Variants in NAV3 observed in about 807,000 individuals in gnomAD.
NAV3 encodes the protein neuron navigator 3.
A neutral mutation model predicts 244.7 loss-of-function variants in NAV3; 87 were observed. The ratio of observed to expected loss-of-function variants is 0.36; its 90% confidence interval spans 0.30 to 0.42. NAV3 has a LOEUF of 0.42. NAV3 is among the 20% of genes least tolerant of loss of function. The probability of loss-of-function intolerance (pLI) is 1.00; values close to 1 mark genes in which losing one functional copy is unlikely to be tolerated. For synonymous variants in NAV3, 1,126 were observed against 1,042.2 expected, an observed-to-expected ratio of 1.08 and a Z score of -1.55; for missense variants, 2,663 against 2,893.3, an observed-to-expected ratio of 0.92 and a Z score of 1.83.
rs373016076 is a variant in NAV3 at position 77,839,717 on chromosome 12, G to A, written c.243+8013G>A. The stretch of plus-strand genomic sequence containing the variant: ...TAAAAGTGCATAAAATTAATAATTG[G>A]TAGTGGAATAGAGGAAGCAGTGATT... On this transcript the variant is annotated intron_variant, in intron 1 of 39. Transcript: ENST00000397909. Among the ~76,000 whole-genome samples, 68 of 152,198 alleles carry A rather than the reference G, an allele frequency of 4.5e-4. No homozygotes were observed. The East Asian group carries it at 0.012, about 26-fold the overall frequency.
intron 24 of NAV3, among the ~76,000 whole-genome samples, chr12:78,172,782 G>C (rs928583718): frequency 9.2e-5 from 14 of 151,572 alleles, no homozygotes; most frequent in African/African-American, 3.4e-4. Context: ...CGGTTGATGA[G>C]TTAAGAACTG....
At chr12:77,646,213 C>T (rs1158734839) in intron 2 of NAV3, among the ~76,000 whole-genome samples, 1 of 152,030 alleles carries the variant, frequency 6.6e-6, no homozygotes, top group Non-Finnish European at 1.5e-5. Flanking sequence ...CTGTTTGAAA[C>T]TAACAAGAAT....
intron 17 of NAV3, 69 bp downstream of exon 17, chr12:78,127,277 C>G (rs1955952153): frequency 6.8e-7 from 1 of 1,464,054 alleles, no homozygotes; most frequent in Non-Finnish European, 9.5e-7. Context: ...TGTCTCTCTT[C>G]CTTCTTTGTT....
chr12:78,051,084 G>A lies in NAV3; in HGVS notation c.2453G>A (p.Gly818Asp), dbSNP rs763790853. Residue 818 changes from glycine to aspartate, a missense_variant, in exon 11 of 40, where the codon GGT becomes GAT. This residue lies in a region of NAV3 where 1,521 missense variants were observed against 1,497.0 expected (regional missense o/e 1.02). Coordinates refer to ENST00000397909, the MANE Select transcript of NAV3 (RefSeq NM_001024383.2). ...GACATGTCTTCTGAGGTCGATGTGG[G>A]TGGATATATGAGTGATGGTGATATC... is the stretch of plus-strand genomic sequence containing the variant. ...DLDMSSEVDV[G>D]GYMSDGDILG... 14 of 1,614,024 alleles carry A rather than the reference G, an allele frequency of 8.7e-6. No individual in the cohort carries two copies. Among genetic ancestry groups the A allele is most frequent in the Non-Finnish European group, 1.2e-5 (14 of 1,180,044 alleles).
At chr12:77,643,689 A>T (rs997157931) in intron 2 of NAV3, among the ~76,000 whole-genome samples, 1 of 151,894 alleles carries the variant, frequency 6.6e-6, no homozygotes, top group African/African-American at 2.4e-5. Flanking sequence ...ACATTTACTT[A>T]ATTTATTCAT....
At chr12:77,823,227 T>G (rs546354419) in intron 2 of NAV3, among the ~76,000 whole-genome samples, 21 of 152,114 alleles carry the variant, frequency 1.4e-4, no homozygotes, top group Admixed American at 1.0e-3. Flanking sequence ...GCTAAAATTT[T>G]GGAGCCAAAG....
intron 2 of NAV3, among the ~76,000 whole-genome samples, chr12:77,779,971 C>T (rs554014302): frequency 5.3e-5 from 8 of 152,242 alleles, no homozygotes; most frequent in Admixed American, 1.3e-4. Context: ...ACGACATGCC[C>T]GCTTGCTTCT....
chr12:77,905,050 A>G (rs1293914271), intron 1 of NAV3, among the ~76,000 whole-genome samples: 2 of 152,156 alleles, frequency 1.3e-5, no homozygotes, highest in African/African-American at 4.8e-5. Context: ...AGAAGTCAGT[A>G]TATTCTCCCC....
chr12:77,711,473 G>A (rs868268850), intron 2 of NAV3, among the ~76,000 whole-genome samples: 1 of 152,188 alleles, frequency 6.6e-6, no homozygotes, highest in African/African-American at 2.4e-5. Flanking sequence ...TCTCTTTATT[G>A]CTGAAAATGG....
intron 2 of NAV3, among the ~76,000 whole-genome samples, chr12:77,616,871 TTTATA>T (rs1871162461): frequency 6.6e-6 from 1 of 152,200 alleles, no homozygotes; most frequent in Middle Eastern, 3.2e-3. Context: ...CTACATTTCT[TTTATA>T]TTTTATAATC....
intron 2 of NAV3, among the ~76,000 whole-genome samples, chr12:77,578,311 A>G (rs79217061): frequency 5.9e-5 from 9 of 152,202 alleles, no homozygotes; most frequent in African/African-American, 2.2e-4. Flanking sequence ...ATGCACAGCA[A>G]TATTTGAGAA....
intron 1 of NAV3, among the ~76,000 whole-genome samples, chr12:77,861,843 G>C (rs1040549604): frequency 1.5e-4 from 23 of 151,796 alleles, no homozygotes; most frequent in African/African-American, 5.3e-4. Flanking sequence ...TAAAAATTAA[G>C]CTTTCTTTTG....
At chr12:77,736,610 A>T (rs1297818305) in intron 2 of NAV3, among the ~76,000 whole-genome samples, 2 of 152,204 alleles carry the variant, frequency 1.3e-5, no homozygotes, top group Non-Finnish European at 2.9e-5. Context: ...TAGGGCTCAC[A>T]GGGGTGCAAA....
At chr12:77,970,575 T>A (rs912226513) in intron 5 of NAV3, among the ~76,000 whole-genome samples, 13 of 152,100 alleles carry the variant, frequency 8.5e-5, no homozygotes, top group Non-Finnish European at 1.3e-4. Flanking sequence ...ATATAAAGCT[T>A]ATGAAGTGAT....
At chr12:77,813,493 T>C (rs1471347852) in intron 2 of NAV3, among the ~76,000 whole-genome samples, 1 of 152,184 alleles carries the variant, frequency 6.6e-6, no homozygotes, top group Non-Finnish European at 1.5e-5. Context: ...TTCCTGTCAT[T>C]CAGATCACCA....
chr12:78,078,165 A>G (rs899213299), intron 12 of NAV3, among the ~76,000 whole-genome samples: 56 of 152,094 alleles, frequency 3.7e-4, no homozygotes, highest in Admixed American at 2.4e-3. Flanking sequence ...TCCCACTCCA[A>G]TGAGCTCTCT....
chr12:77,741,022 T>C (rs1868318216), intron 2 of NAV3, among the ~76,000 whole-genome samples: 1 of 151,554 alleles, frequency 6.6e-6, no homozygotes, highest in Admixed American at 6.6e-5. Flanking sequence ...AGTAGAAGAC[T>C]CTTGAGCAAC....
chr12:77,670,830 T>C (rs781472189), intron 2 of NAV3, among the ~76,000 whole-genome samples: 12 of 151,954 alleles, frequency 7.9e-5, no homozygotes, highest in Non-Finnish European at 1.6e-4. Flanking sequence ...CAGACAACAT[T>C]ATACTGAATG....
intron 8 of NAV3, among the ~76,000 whole-genome samples, chr12:78,020,003 A>G (rs1026659327): frequency 1.1e-4 from 17 of 152,212 alleles, no homozygotes; most frequent in African/African-American, 3.9e-4. Context: ...TTTAGAATTC[A>G]GGCATAAATA....
Sources: allele counts gnomAD v4.1 joint callset (sites outside exome capture counted in the v4.1 genomes callset), GRCh38; gene constraint gnomAD v4.1.1; regional missense constraint gnomAD v4.1.1; transcripts MANE v1.5; gene names NCBI Gene and HGNC (gene_info 2026-07-23, HGNC 2026-07-21).